The following NRIP1 variants were observed in gnomAD, a reference collection of about 807,000 sequenced individuals.
NRIP1 encodes the protein nuclear receptor interacting protein 1, also known as nuclear receptor-interacting protein 1.
In NRIP1, 28 loss-of-function variants were observed where a neutral mutation model predicts 75.0. The ratio of observed to expected loss-of-function variants is 0.37; its 90% CI spans 0.28 to 0.51. The LOEUF (loss-of-function observed/expected upper bound fraction) is 0.51. NRIP1 is among the 20% of genes least tolerant of loss of function. The pLI, the probability that NRIP1 is intolerant of heterozygous loss-of-function variation, is 0.92. For synonymous variants in NRIP1, 526 were observed against 487.6 expected (o/e 1.08, Z -1.04); for missense variants, 1,435 against 1,343.7 (o/e 1.07, Z -1.06).
intron 3 of NRIP1, among the ~76,000 whole-genome samples, chr21:14,997,669 C>G (rs2087762684): frequency 6.7e-6 from 1 of 149,844 alleles, no homozygotes; most frequent in Non-Finnish European, 1.5e-5. Context: ...TTATATATAT[C>G]ATTTATATTA....
chr21:15,022,980 C>T (rs2088415576), intron 2 of NRIP1, among the ~76,000 whole-genome samples: 1 of 152,184 alleles, frequency 6.6e-6, no homozygotes, highest in Non-Finnish European at 1.5e-5. Flanking sequence ...CACTAAAAAT[C>T]ACGTGATCCC....
At chr21:15,005,401 C>T (rs560185205) in intron 3 of NRIP1, among the ~76,000 whole-genome samples, 1 of 152,214 alleles carries the variant, frequency 6.6e-6, no homozygotes, top group Non-Finnish European at 1.5e-5. Context: ...AAGTCTTCTT[C>T]CTCAGTTCCT....
chr21:14,975,536 G>A (rs1218053371), intron 3 of NRIP1, among the ~76,000 whole-genome samples: 1 of 151,566 alleles, frequency 6.6e-6, no homozygotes, highest in Non-Finnish European at 1.5e-5. Flanking sequence ...AGGATCACTG[G>A]AGCCCAGGAG....
Position 15,031,898 on chromosome 21 carries a change from T to A in NRIP1, c.-458+11597A>T, listed in dbSNP as rs140188685. Among the ~76,000 whole-genome samples, 16 of 146,346 alleles carry A rather than the reference T, an allele frequency of 1.1e-4. No individual in the cohort carries two copies. The East Asian group carries it at 1.9e-3, about 17-fold the overall frequency. ...ATACACTCTGGAAGGTGGTTGGAGG[T>A]TCACCACATTCCCTTTCTATGTGTA... is the stretch of plus-strand genomic sequence containing the variant. On this transcript the variant is annotated intron_variant, in intron 2 of 3. Coordinates refer to ENST00000318948, the MANE Select transcript of NRIP1 (RefSeq NM_003489.4).
intron 3 of NRIP1, among the ~76,000 whole-genome samples, chr21:14,993,957 C>A (rs949318403): frequency 6.6e-6 from 1 of 152,130 alleles, no homozygotes; most frequent in African/African-American, 2.4e-5. Context: ...CTGGTATTTC[C>A]AATTCCTGAC....
At chr21:15,014,671 A>G (rs2088183992) in intron 2 of NRIP1, among the ~76,000 whole-genome samples, 1 of 152,232 alleles carries the variant, frequency 6.6e-6, no homozygotes, top group Non-Finnish European at 1.5e-5. Context: ...AATAATCGAT[A>G]AAAGTAGCTG....
rs1568976805 is a variant in NRIP1 at position 15,009,462 on chromosome 21, G to C, written c.-335+4882C>G. Among the ~76,000 whole-genome samples, 8 of 152,036 alleles carry C rather than the reference G, an allele frequency of 5.3e-5. 1 individual carries two copies. Among genetic ancestry groups the C allele is most frequent in the South Asian group, 4.1e-4 (2 of 4,832 alleles). On this transcript the variant is annotated intron_variant, in intron 3 of 3. Coordinates refer to ENST00000318948, the MANE Select transcript of NRIP1 (RefSeq NM_003489.4). ...CTACTAAAAAGATGGCATGGACAAA[G>C]TGGAGAAAGCACTGAAAGACACAAT...
In NRIP1 at chr21:14,965,659, G is replaced by T; in HGVS notation, c.2534C>A (p.Ala845Glu). The change falls in exon 4 of 4, where the codon GCA becomes GAA. Residue 845 changes from alanine (A) to glutamate (E), a missense_variant. Ala to Glu is a moderately radical substitution (Grantham distance 107). Transcript: ENST00000318948. ...GCAAAGATTCTTTGATTCTAGAAGTGCCATTTCATTATTTCTGTGACTCCT... is the reference window on the plus strand; with the variant it reads ...GCAAAGATTCTTTGATTCTAGAAGTTCCATTTCATTATTTCTGTGACTCCT... ...SDRSHRNNEM[A>E]LLESKNLCMV... The T allele has an allele frequency of 6.2e-7, 1 of 1,613,258 alleles. No individual in the cohort carries two copies. Among genetic ancestry groups the T allele is most frequent in the Non-Finnish European group, 8.5e-7 (1 of 1,179,916 alleles).
intron 2 of NRIP1, among the ~76,000 whole-genome samples, chr21:15,036,677 T>TA (rs541817082): frequency 9.5e-5 from 14 of 146,840 alleles, no homozygotes; most frequent in East Asian, 2.0e-4. Context: ...CCTAATCAAA[T>TA]AAAAAAAAAA....
At chr21:15,044,058 A>G (rs1486886577) in intron 1 of NRIP1, among the ~76,000 whole-genome samples, 1 of 152,084 alleles carries the variant, frequency 6.6e-6, no homozygotes, top group East Asian at 1.9e-4. Flanking sequence ...ACCTCAGGTG[A>G]TCCACCTGCC....
chr21:15,045,651 T>C (rs1161431582), intron 1 of NRIP1, among the ~76,000 whole-genome samples: 1 of 152,246 alleles, frequency 6.6e-6, no homozygotes, highest in Non-Finnish European at 1.5e-5. Context: ...CCACATCGGC[T>C]GATTCTTCCT....
chr21:15,023,929 A>G (rs2088443025), intron 2 of NRIP1, among the ~76,000 whole-genome samples: 1 of 152,244 alleles, frequency 6.6e-6, no homozygotes, highest in African/African-American at 2.4e-5. Context: ...CAGAGAACGG[A>G]GACATCATTC....
intron 2 of NRIP1, among the ~76,000 whole-genome samples, chr21:15,031,574 T>C (rs979091308): frequency 1.5e-4 from 22 of 143,548 alleles, no homozygotes; most frequent in Non-Finnish European, 2.9e-4. Flanking sequence ...TCTATGTGTA[T>C]ACACTCTGGA....
At position 14,965,167 on chromosome 21, in the gene NRIP1, G is replaced by T; in HGVS notation, c.3026C>A (p.Pro1009His). 16 of 1,613,240 alleles carry T rather than the reference G, an allele frequency of 9.9e-6. No homozygotes were observed. The highest frequency in any genetic ancestry group is 1.4e-5 in the Non-Finnish European group (16 of 1,179,928). ...TFSYPGVVKT[P>H]VSPTFPEHLG... ...GTGCTCAGGGAAAGTAGGACTCACA[G>T]GAGTTTTTACTACACCTGGGTATGA... The change falls in exon 4 of 4, where the codon CCT becomes CAT. Residue 1009 changes from proline to histidine, a missense_variant. Transcript: ENST00000318948.
chr21:15,031,843 A>G lies in NRIP1; in HGVS notation c.-458+11652T>C, dbSNP rs548297136. ...TGTGTGTACACTCTGGAAGGCGTTC[A>G]GAGGTTCACCACATTCCCTTTCTAT... On this transcript the variant is annotated intron_variant, in intron 2 of 3. Transcript: ENST00000318948. Among the ~76,000 whole-genome samples the G allele has an allele frequency of 3.9e-3, 513 of 129,958 alleles. 1 individual carries two copies. Among genetic ancestry groups the G allele is most frequent in the African/African-American group, 0.015 (494 of 34,052 alleles). 85.3% of individuals were successfully genotyped at this position (129,958 alleles called of 152,430 possible). A position where few individuals can be genotyped will look rare whatever the true frequency, so the allele number is the denominator to read the frequency against.
chr21:15,047,025 G>A (rs1178292777), intron 1 of NRIP1, among the ~76,000 whole-genome samples: 4 of 152,108 alleles, frequency 2.6e-5, no homozygotes, highest in African/African-American at 9.7e-5. Context: ...CTCCATATTA[G>A]CAATAAGGCT....
At position 15,029,454 on chromosome 21, in the gene NRIP1, T is replaced by C. The variant is rs199921458; in HGVS notation, c.-458+14041A>G. Among the ~76,000 whole-genome samples the C allele has an allele frequency of 1.2e-4, 19 of 152,318 alleles. No individual in the cohort carries two copies. In the East Asian group the frequency reaches 3.7e-3, roughly 29 times the overall value. On this transcript the variant is annotated intron_variant, in intron 2 of 3. Coordinates refer to ENST00000318948, the MANE Select transcript of NRIP1 (RefSeq NM_003489.4). ...ACTTCCTGGACATCTCCCCTGCCCC[T>C]GCCCTCAATACCCTCCATTCTCCTC...
At chr21:15,019,608 C>A (rs1568984861) in intron 2 of NRIP1, among the ~76,000 whole-genome samples, 1 of 150,222 alleles carries the variant, frequency 6.7e-6, no homozygotes, top group South Asian at 2.1e-4. Flanking sequence ...CCTGCCTCAG[C>A]CTCCCAAGTA....
intron 2 of NRIP1, among the ~76,000 whole-genome samples, chr21:15,031,115 CTA>C (rs2088669844): frequency 3.1e-5 from 4 of 128,582 alleles, no homozygotes; most frequent in East Asian, 2.4e-4. Flanking sequence ...CATTCCCTTT[CTA>C]TGTGTATACA....
Sources: allele counts gnomAD v4.1 joint callset (sites outside exome capture counted in the v4.1 genomes callset), GRCh38; gene constraint gnomAD v4.1.1; transcripts MANE v1.5; gene names NCBI Gene and HGNC (gene_info 2026-07-23, HGNC 2026-07-21).